ABLIM2: variants seen among roughly 807,000 people sequenced by gnomAD.
ABLIM2 encodes actin-binding LIM protein 2.
ABLIM2 carries 53 observed loss-of-function variants against 97.7 expected under a neutral mutation model. The observed-to-expected ratio is 0.54, with a 90% CI of 0.44 to 0.68. The LOEUF is 0.68. Ranked by LOEUF, ABLIM2 falls within the 30% of genes least tolerant of loss-of-function variation. The probability of loss-of-function intolerance (pLI) is 0.00; values close to 1 mark genes in which losing one functional copy is unlikely to be tolerated. For missense variants in ABLIM2, 835 were observed against 867.2 expected (o/e 0.96, Z 0.47); for synonymous variants, 361 against 345.8 (o/e 1.04, Z -0.49).
intron 5 of ABLIM2, among the ~76,000 whole-genome samples, chr4:8,079,923 C>A (rs1214131477): frequency 6.6e-6 from 1 of 152,202 alleles, no homozygotes; most frequent in Admixed American, 6.5e-5. Context: ...GGAAGGGGCC[C>A]TCTGCGCTCA....
In ABLIM2 at chr4:8,020,236, G is replaced by C. The variant is rs1393865119; in HGVS notation, c.1335C>G (p.Thr445=). ...GGAAGTGGCGAGGTGCCTGCTGGTAGGTGGAGGGGGGCGGCTTGCTGTCAG... is the reference window on the plus strand; with the variant it reads ...GGAAGTGGCGAGGTGCCTGCTGGTACGTGGAGGGGGGCGGCTTGCTGTCAG... The part of the protein sequence containing the change: ...VLSDSKPPPS[T]YQQAPRHFHV... Residue 445 remains threonine (T), a synonymous_variant, in exon 13 of 21, where the codon ACC becomes ACG. Transcript: ENST00000447017. 1.9e-6 allele frequency: 3 copies of C among 1,613,800 alleles called. No individual in the cohort carries two copies. Among genetic ancestry groups the C allele is most frequent in the Admixed American group, 3.3e-5 (2 of 60,000 alleles).
rs186111005 is a variant in ABLIM2, at chr4:8,105,553, T to A, written c.154+941A>T. On this transcript the variant is annotated intron_variant, in intron 2 of 20. Transcript: ENST00000447017. Reference sequence around the variant, plus strand: ...TATCGGCTTGTGGCACATTTCCTAGTTTTGTTTGCCCAGAAAAAAGCAAAC... The same window carrying A: ...TATCGGCTTGTGGCACATTTCCTAGATTTGTTTGCCCAGAAAAAAGCAAAC... Among the ~76,000 whole-genome samples, 6 of 152,318 alleles carry A rather than the reference T, an allele frequency of 3.9e-5. No individual in the cohort carries two copies. In the East Asian group the frequency reaches 1.2e-3, roughly 29 times the overall value.
chr4:8,143,208 T>C (rs952769255), intron 1 of ABLIM2, among the ~76,000 whole-genome samples: 1 of 148,734 alleles, frequency 6.7e-6, no homozygotes, highest in African/African-American at 2.5e-5. Flanking sequence ...TGCCCAGCTC[T>C]ATCACAGCGT....
intron 9 of ABLIM2, among the ~76,000 whole-genome samples, chr4:8,038,101 A>T (rs1785717922): frequency 1.3e-5 from 2 of 152,224 alleles, no homozygotes; most frequent in South Asian, 4.1e-4. Flanking sequence ...TCCTCTGGAC[A>T]TGATGAGCTG....
Position 8,095,072 on chromosome 4 carries a change from T to TTC in ABLIM2, c.338+2025_338+2026dup, listed in dbSNP as rs991134413. Among the ~76,000 whole-genome samples, 2 of 139,142 alleles carry TTC rather than the reference T, an allele frequency of 1.4e-5. No homozygotes were observed. Among genetic ancestry groups the TTC allele is most frequent in the Non-Finnish European group, 3.2e-5 (2 of 61,740 alleles). 91.3% of individuals were successfully genotyped at this position (139,142 alleles called of 152,430 possible). ...TCTTTCTTTCTTTCTCTTTCTTTCTTTCTCTCTCTCTCTCTTTCTTTCTTT... is the reference window on the plus strand; with the variant it reads ...TCTTTCTTTCTTTCTCTTTCTTTCTTTCTCTCTCTCTCTCTCTTTCTTTCTTT... On this transcript the variant is annotated intron_variant, in intron 3 of 20. Coordinates refer to ENST00000447017, the MANE Select transcript of ABLIM2 (RefSeq NM_001130083.2). This position sits in a 1 kb window ranked among gnomAD's most constrained non-coding sequence, Gnocchi z 4.7.
chr4:8,122,257 T>TAA lies in ABLIM2; in HGVS notation c.11-15622_11-15621dup, dbSNP rs1041850936. 1.3e-5 allele frequency among the ~76,000 whole-genome samples: 2 copies of TAA among 152,086 alleles called. No individual in the cohort carries two copies. Among genetic ancestry groups the TAA allele is most frequent in the African/African-American group, 4.8e-5 (2 of 41,416 alleles). On this transcript the variant is annotated intron_variant, in intron 1 of 20. Transcript: ENST00000447017. This position sits in a 1 kb window ranked among gnomAD's most constrained non-coding sequence, Gnocchi z 4.1. ...TCTCCATCATATCCGAATGGCCTGG[T>TAA]AAGGATGGCCACAGAGAGCTGGAGA... is the stretch of plus-strand genomic sequence containing the variant.
chr4:7,997,072 ATATT>A (rs1285329449), intron 16 of ABLIM2, among the ~76,000 whole-genome samples: 3 of 151,856 alleles, frequency 2.0e-5, no homozygotes, highest in African/African-American at 7.3e-5. Flanking sequence ...TATTTTTTAC[ATATT>A]TATTTATTTT....
rs906841820 is a variant in ABLIM2, at chr4:8,005,506, A to G, written c.1618+2553T>C. 9 of 518,020 alleles carry G rather than the reference A, an allele frequency of 1.7e-5. No individual in the cohort carries two copies. In the East Asian group the frequency reaches 3.9e-4, roughly 22 times the overall value. 32.1% of individuals were successfully genotyped at this position (518,020 alleles called of 1,614,324 possible). On this transcript the variant is annotated intron_variant, in intron 16 of 20. Transcript: ENST00000447017. This position sits in a 1 kb window ranked among gnomAD's most constrained non-coding sequence, Gnocchi z 4.9. Reference sequence around the variant, plus strand: ...CTGTGTGCAAATGGAACTGGTGCCCACGGACTCAGGTCTGGGGGCTACTTG... The same window carrying G: ...CTGTGTGCAAATGGAACTGGTGCCCGCGGACTCAGGTCTGGGGGCTACTTG...
At chr4:8,105,072 G>A (rs1836592834) in intron 2 of ABLIM2, among the ~76,000 whole-genome samples, 2 of 152,074 alleles carry the variant, frequency 1.3e-5, no homozygotes, top group South Asian at 2.1e-4. Context: ...CAAGCTCCTC[G>A]CGCTTCCAGA....
rs369056006 is a variant in ABLIM2, at chr4:7,986,339, C to G, written c.1681-1446G>C. ...GGGCACCGAGTCCAAAGCCCTTTAT[C>G]TGAAACAGGAAAACCGAGGCCCCGA... On this transcript the variant is annotated intron_variant, in intron 17 of 20. Coordinates refer to ENST00000447017, the MANE Select transcript of ABLIM2 (RefSeq NM_001130083.2). The surrounding 1 kb of genome is among the most constrained non-coding windows in gnomAD (Gnocchi z 4.3). 7.9e-5 allele frequency among the ~76,000 whole-genome samples: 12 copies of G among 152,154 alleles called. No homozygotes were observed. The highest frequency in any genetic ancestry group is 5.8e-4 in the East Asian group (3 of 5,186).
At chr4:8,027,025 C>T (rs192845279) in intron 12 of ABLIM2, among the ~76,000 whole-genome samples, 129 of 152,020 alleles carry the variant, frequency 8.5e-4, no homozygotes, top group African/African-American at 2.8e-3. Context: ...GGAGAGGGAG[C>T]GAGCTTTGGC....
At chr4:7,976,540 A>C (rs1577679676) in intron 20 of ABLIM2, among the ~76,000 whole-genome samples, 1 of 152,198 alleles carries the variant, frequency 6.6e-6, no homozygotes. Flanking sequence ...GCTCAGGTCC[A>C]GACACCTCAG....
chr4:7,984,786 T>C (rs1430622524), intron 18 of ABLIM2, 53 bp downstream of exon 18: 2 of 1,518,750 alleles, frequency 1.3e-6, no homozygotes, highest in East Asian at 2.5e-5. Context: ...TTGTGGAATG[T>C]GTTAGCGACC....
chr4:8,060,239 A>G (rs1580147630), intron 7 of ABLIM2, among the ~76,000 whole-genome samples: 2 of 152,204 alleles, frequency 1.3e-5, no homozygotes, highest in African/African-American at 4.8e-5. Flanking sequence ...TGTGAAAATG[A>G]GAAGCTATGA....
At chr4:8,037,995 T>C (rs905025830) in intron 9 of ABLIM2, among the ~76,000 whole-genome samples, 4 of 152,194 alleles carry the variant, frequency 2.6e-5, no homozygotes, top group African/African-American at 9.7e-5. Context: ...CCCTTCTCCC[T>C]GGCTCTGGGC....
In ABLIM2 at chr4:8,155,345, C is replaced by T. The variant is rs548236451; in HGVS notation, c.10+3335G>A. Among the ~76,000 whole-genome samples the T allele has an allele frequency of 1.3e-5, 2 of 152,314 alleles. No individual in the cohort carries two copies. Among genetic ancestry groups the T allele is most frequent in the Admixed American group, 6.5e-5 (1 of 15,298 alleles). ...CTGTTCCAAATACTAGGATCTGCAC[C>T]GTCCACAGTCTGGGGACTAGGGCTC... On this transcript the variant is annotated intron_variant, in intron 1 of 20. Coordinates refer to ENST00000447017, the MANE Select transcript of ABLIM2 (RefSeq NM_001130083.2). The surrounding 1 kb of genome is among the most constrained non-coding windows in gnomAD (Gnocchi z 4.2).
chr4:8,070,787 G>A (rs1383812107), intron 6 of ABLIM2, among the ~76,000 whole-genome samples: 1 of 152,136 alleles, frequency 6.6e-6, no homozygotes, highest in Non-Finnish European at 1.5e-5. Context: ...AAGAGAGGAG[G>A]GGCAGAGGGA....
intron 16 of ABLIM2, chr4:8,007,244 C>T (rs1762051754): frequency 2.3e-5 from 23 of 985,436 alleles, no homozygotes; most frequent in Non-Finnish European, 2.8e-5. Flanking sequence ...GTTCCAGTCT[C>T]CTAACACCTG....
intron 8 of ABLIM2, among the ~76,000 whole-genome samples, chr4:8,053,358 G>T (rs1190223675): frequency 6.6e-6 from 1 of 152,166 alleles, no homozygotes; most frequent in Non-Finnish European, 1.5e-5. Context: ...TCTCATGTCT[G>T]CCTAAAATGT....
Sources: allele counts gnomAD v4.1 joint callset (sites outside exome capture counted in the v4.1 genomes callset), GRCh38; gene constraint gnomAD v4.1.1; non-coding constraint Gnocchi (gnomAD v3.1); transcripts MANE v1.5; gene names NCBI Gene and HGNC (gene_info 2026-07-23, HGNC 2026-07-21).